PIK3C2G: variants seen among roughly 807,000 people sequenced by gnomAD.
The protein encoded by PIK3C2G is phosphatidylinositol 3-kinase C2 domain-containing subunit gamma.
Under a neutral mutation model 181.1 loss-of-function variants are expected in PIK3C2G, and 168 were observed. The ratio of observed to expected loss-of-function variants is 0.93; its 90% CI spans 0.82 to 1.05. PIK3C2G has a LOEUF of 1.05. Ranked by LOEUF, PIK3C2G falls within the 50% of genes least tolerant of loss-of-function variation. The pLI, the probability that PIK3C2G is intolerant of heterozygous loss-of-function variation, is 0.00. For synonymous variants in PIK3C2G, 573 were observed against 592.2 expected, an observed-to-expected ratio of 0.97 and a Z score of 0.47; for missense variants, 1,869 against 1,732.8, an observed-to-expected ratio of 1.08 and a Z score of -1.40.
chr12:18,624,484 T>A (rs933699915), intron 31 of PIK3C2G, among the ~76,000 whole-genome samples: 2 of 151,708 alleles, frequency 1.3e-5, no homozygotes, highest in South Asian at 4.1e-4. Context: ...TGAAGACTAT[T>A]GGCCTGTAGT....
intron 6 of PIK3C2G, 94 bp downstream of exon 6, chr12:18,314,158 T>G: frequency 1.6e-6 from 1 of 631,338 alleles, no homozygotes; most frequent in Non-Finnish European, 2.8e-6. Context: ...TGGAATTATA[T>G]AGCTTAATTA....
upstream of PIK3C2G, among the ~76,000 whole-genome samples, chr12:18,245,351 A>G (rs909412931): frequency 6.6e-6 from 1 of 152,088 alleles, no homozygotes; most frequent in African/African-American, 2.4e-5. Context: ...AAACACTGGG[A>G]AAAAACCTAC....
At position 18,394,792 on chromosome 12, in the gene PIK3C2G, C is replaced by T. The variant is rs115462447; in HGVS notation, c.2126+3540C>T. On this transcript the variant is annotated intron_variant, in intron 15 of 32. Transcript: ENST00000538779. Reference sequence around the variant, plus strand: ...AAATAAACCTTGAAAATAATGAGAGCGCCTTGTAACCTGAGGGACAATATC... The same window carrying T: ...AAATAAACCTTGAAAATAATGAGAGTGCCTTGTAACCTGAGGGACAATATC... Among the ~76,000 whole-genome samples the T allele has an allele frequency of 7.7e-3, 1,166 of 151,774 alleles. 15 individuals are homozygous for T. The highest frequency in any genetic ancestry group is 0.027 in the African/African-American group (1,109 of 41,424).
intron 25 of PIK3C2G, among the ~76,000 whole-genome samples, chr12:18,539,061 G>A (rs575777271): frequency 6.6e-6 from 1 of 151,960 alleles, no homozygotes; most frequent in South Asian, 2.1e-4. Context: ...TATCAGCATG[G>A]GATTTGGAGT....
At chr12:18,651,696 AG>A (rs1389143122), downstream of PIK3C2G, among the ~76,000 whole-genome samples, 1 of 152,142 alleles carries the variant, frequency 6.6e-6, no homozygotes, top group Non-Finnish European at 1.5e-5. Context: ...CCTTTTCTCT[AG>A]ATCCATTCAT....
chr12:18,356,304 A>G (rs1940720370), intron 11 of PIK3C2G, among the ~76,000 whole-genome samples: 1 of 152,132 alleles, frequency 6.6e-6, no homozygotes, highest in Non-Finnish European at 1.5e-5. Flanking sequence ...CACAGGATTC[A>G]TGAAGGGGTT....
rs114097984 is a variant in PIK3C2G at position 18,439,617 on chromosome 12, G to A, written c.2504+15578G>A. ...CTGGGGTAATTTCTTTTAGCACTCC[G>A]TGTATATAACAAGTCACTTGCAAAA... On this transcript the variant is annotated intron_variant, in intron 18 of 32. Coordinates refer to ENST00000538779, the MANE Select transcript of PIK3C2G (RefSeq NM_001288772.2). Among the ~76,000 whole-genome samples the A allele has an allele frequency of 6.6e-5, 10 of 152,016 alleles. No homozygotes were observed. The South Asian group carries it at 8.3e-4, about 13-fold the overall frequency.
intron 9 of PIK3C2G, among the ~76,000 whole-genome samples, 190 bp from the exon 10 acceptor site, chr12:18,343,137 A>G (rs1342320636): frequency 5.3e-5 from 8 of 152,106 alleles, no homozygotes. Context: ...CAATATTTAG[A>G]AAGTTTTTAT....
chr12:18,530,828 T>C lies in PIK3C2G; in HGVS notation c.3324-7328T>C, dbSNP rs113406413. On this transcript the variant is annotated intron_variant, in intron 24 of 32. Transcript: ENST00000538779. ...TGCTTCCCCTCACCTTATGCCATGA[T>C]TGTAGTTTCTTGAGGCCTCCCCATC... Among the ~76,000 whole-genome samples, 433 of 152,178 alleles carry C rather than the reference T, an allele frequency of 2.8e-3. 4 individuals are homozygous for C. The highest frequency in any genetic ancestry group is 9.9e-3 in the African/African-American group (412 of 41,538).
rs1939389269 is a variant in PIK3C2G at position 18,479,920 on chromosome 12, G to C, written c.2505-8529G>C. 2.6e-5 allele frequency among the ~76,000 whole-genome samples: 4 copies of C among 152,222 alleles called. No individual in the cohort carries two copies. The South Asian group carries it at 8.3e-4, about 32-fold the overall frequency. On this transcript the variant is annotated intron_variant, in intron 18 of 32. Transcript: ENST00000538779. ...TCCTCAAAGTATTGTTCAGCTCCAT[G>C]CTCTTGTAATATTATCCCACTGAGA...
chr12:18,323,878 GA>G (rs1386131886), intron 7 of PIK3C2G, among the ~76,000 whole-genome samples: 1 of 152,008 alleles, frequency 6.6e-6, no homozygotes, highest in Non-Finnish European at 1.5e-5. Context: ...ACAAAGTGCT[GA>G]AGTGGGTGCA....
At chr12:18,693,484 C>T in the PIK3C2G span, 115 of 1,608,558 alleles carry the variant, frequency 7.1e-5, no homozygotes, top group South Asian at 1.2e-3. Flanking sequence ...CCTTGTTAGC[C>T]AAAGCAGTAG....
chr12:18,481,550 T>C (rs1274717484), intron 18 of PIK3C2G, among the ~76,000 whole-genome samples: 2 of 152,344 alleles, frequency 1.3e-5, no homozygotes, highest in Admixed American at 1.3e-4. Context: ...ACCATAACTG[T>C]TAAGGATTTT....
intron 16 of PIK3C2G, among the ~76,000 whole-genome samples, chr12:18,409,037 C>A (rs1327931633): frequency 6.6e-6 from 1 of 152,108 alleles, no homozygotes; most frequent in African/African-American, 2.4e-5. Flanking sequence ...ACCCAGCAAT[C>A]ATTTACTGGG....
At chr12:18,610,433 A>T (rs535476569) in intron 31 of PIK3C2G, among the ~76,000 whole-genome samples, 1 of 152,128 alleles carries the variant, frequency 6.6e-6, no homozygotes, top group African/African-American at 2.4e-5. Flanking sequence ...CATCCATAAC[A>T]TATTGAAACA....
chr12:18,496,286 G>A, intron 21 of PIK3C2G, 132 bp downstream of exon 21: 1 of 643,540 alleles, frequency 1.6e-6, no homozygotes, highest in Non-Finnish European at 2.7e-6. Flanking sequence ...TTTAGAGTCT[G>A]CCTTTTTACA....
intron 6 of PIK3C2G, among the ~76,000 whole-genome samples, chr12:18,315,300 G>C (rs1950812467): frequency 6.6e-6 from 1 of 151,920 alleles, no homozygotes; most frequent in Non-Finnish European, 1.5e-5. Context: ...ACAGCTCCAA[G>C]GCTATACATC....
chr12:18,433,474 C>T lies in PIK3C2G; in HGVS notation c.2504+9435C>T, dbSNP rs112373451. 9.9e-5 allele frequency among the ~76,000 whole-genome samples: 15 copies of T among 152,004 alleles called. 1 individual carries two copies. The highest frequency in any genetic ancestry group is 2.9e-4 in the African/African-American group (12 of 41,470). ...CCAGGAGGCGGAGGTTACAGTGAGC[C>T]GAGATCACGCCATTGCACTCCAGCC... On this transcript the variant is annotated intron_variant, in intron 18 of 32. Coordinates refer to ENST00000538779, the MANE Select transcript of PIK3C2G (RefSeq NM_001288772.2).
At chr12:18,710,707 A>G in the PIK3C2G span, among the ~76,000 whole-genome samples, 2 of 152,128 alleles carry the variant, frequency 1.3e-5, no homozygotes, top group Non-Finnish European at 2.9e-5. Context: ...AGAGATAGTT[A>G]AATTCAGGAT....
Sources: allele counts gnomAD v4.1 joint callset (sites outside exome capture counted in the v4.1 genomes callset), GRCh38; gene constraint gnomAD v4.1.1; transcripts MANE v1.5; gene names NCBI Gene and HGNC (gene_info 2026-07-23, HGNC 2026-07-21).